Variants in JMY observed in about 807,000 individuals in gnomAD.
The protein encoded by JMY is junction mediating and regulatory protein, p53 cofactor, also known as junction-mediating and -regulatory protein.
JMY carries 46 observed loss-of-function variants against 103.3 expected under a neutral mutation model. The observed-to-expected ratio is 0.45, with a 90% CI of 0.35 to 0.57. The LOEUF (loss-of-function observed/expected upper bound fraction) is 0.57, where lower values mean the gene tolerates loss of function less well. Among genes scored for constraint, JMY ranks in the 20% least tolerant of loss-of-function variants. The probability of loss-of-function intolerance (pLI) is 0.00; values close to 1 mark genes in which losing one functional copy is unlikely to be tolerated. For missense variants in JMY, 1,238 were observed against 1,255.2 expected, an observed-to-expected ratio of 0.99 and a Z score of 0.21; for synonymous variants, 526 against 489.3, an observed-to-expected ratio of 1.07 and a Z score of -0.99.
intron 4 of JMY, among the ~76,000 whole-genome samples, chr5:79,298,033 G>A (rs1746616013): frequency 6.6e-6 from 1 of 152,172 alleles, no homozygotes; most frequent in African/African-American, 2.4e-5. Flanking sequence ...ACAGCGTAAA[G>A]GCATGTCACT....
chr5:79,239,138 C>T (rs1261570639), intron 1 of JMY, among the ~76,000 whole-genome samples: 1 of 152,090 alleles, frequency 6.6e-6, no homozygotes, highest in Non-Finnish European at 1.5e-5. Context: ...GTTTGTTTCT[C>T]ACTTATACCA....
At chr5:79,253,887 G>A (rs1418186737) in intron 1 of JMY, among the ~76,000 whole-genome samples, 1 of 151,228 alleles carries the variant, frequency 6.6e-6, no homozygotes, top group Non-Finnish European at 1.5e-5. Flanking sequence ...GGCTGGTCTC[G>A]AAATACTGGG....
intron 1 of JMY, among the ~76,000 whole-genome samples, chr5:79,270,795 A>T (rs74694245): frequency 1.1e-3 from 164 of 150,384 alleles, no homozygotes; most frequent in African/African-American, 3.7e-3. Context: ...AAGGTGAAGG[A>T]GGTTTTCCAT....
intron 4 of JMY, among the ~76,000 whole-genome samples, chr5:79,292,118 G>A (rs1160391046): frequency 2.0e-5 from 3 of 151,902 alleles, no homozygotes; most frequent in Non-Finnish European, 2.9e-5. Context: ...TGGCTTATCC[G>A]GGAAATTGTT....
At chr5:79,282,384 T>C (rs1746144351) in intron 2 of JMY, among the ~76,000 whole-genome samples, 1 of 152,160 alleles carries the variant, frequency 6.6e-6, no homozygotes, top group African/African-American at 2.4e-5. Context: ...AATGTACACA[T>C]TTGTCAAAAT....
chr5:79,253,270 C>T (rs898036482), intron 1 of JMY, among the ~76,000 whole-genome samples: 3 of 151,666 alleles, frequency 2.0e-5, no homozygotes, highest in African/African-American at 7.3e-5. Flanking sequence ...GTTGTCTAAC[C>T]GTTATTTTTG....
At chr5:79,240,965 C>A (rs1744721886) in intron 1 of JMY, among the ~76,000 whole-genome samples, 1 of 152,138 alleles carries the variant, frequency 6.6e-6, no homozygotes, top group Non-Finnish European at 1.5e-5. Context: ...CAAATGCATT[C>A]TTGAGGATAT....
intron 6 of JMY, among the ~76,000 whole-genome samples, chr5:79,301,076 G>A (rs1262401577): frequency 1.3e-5 from 2 of 152,108 alleles, no homozygotes; most frequent in Non-Finnish European, 2.9e-5. Flanking sequence ...AAACACTAAT[G>A]GTGACTCTGC....
intron 2 of JMY, among the ~76,000 whole-genome samples, chr5:79,282,733 T>C (rs1026704018): frequency 3.3e-5 from 5 of 152,192 alleles, no homozygotes; most frequent in Non-Finnish European, 5.9e-5. Flanking sequence ...GTATTGGCAC[T>C]AACTTAATTG....
rs1554049732 is a variant in JMY at position 79,270,516 on chromosome 5, T to TTAAA, written c.1033-7393_1033-7390dup. Among the ~76,000 whole-genome samples the TTAAA allele has an allele frequency of 2.7e-5, 2 of 74,298 alleles. 1 individual carries two copies. The highest frequency in any genetic ancestry group is 3.0e-4 in the Admixed American group (2 of 6,690). 48.7% of individuals were successfully genotyped at this position (74,298 alleles called of 152,430 possible). A position where few individuals can be genotyped will look rare whatever the true frequency, so the allele number is the denominator to read the frequency against. On this transcript the variant is annotated intron_variant, in intron 1 of 10. Transcript: ENST00000396137. ...ATAAAATATATATTTACATAAATAT[T>TTAAA]TAAAATATATATTTACATAAATATT...
chr5:79,275,733 CCA>C (rs1209070053), intron 1 of JMY, among the ~76,000 whole-genome samples: 5 of 152,112 alleles, frequency 3.3e-5, no homozygotes, highest in Non-Finnish European at 2.9e-5. Context: ...TCAAAATTCT[CCA>C]TATTAGTTTT....
chr5:79,300,587 G>A, intron 5 of JMY, 89 bp from the exon 6 acceptor site: 1 of 1,032,040 alleles, frequency 9.7e-7, no homozygotes, highest in Non-Finnish European at 1.4e-6. Context: ...GCCTGAGGTT[G>A]CAGAGCCAGT....
intron 1 of JMY, among the ~76,000 whole-genome samples, chr5:79,239,949 T>C (rs1246486996): frequency 1.3e-5 from 2 of 152,046 alleles, no homozygotes; most frequent in African/African-American, 2.4e-5. Flanking sequence ...TTTTAAAAAA[T>C]GTGTTCCTAA....
rs757544898 is a variant in JMY, at chr5:79,314,902, TAAA to T, written c.2659+55_2659+57del. On this transcript the variant is annotated intron_variant, in intron 9 of 10. Coordinates refer to ENST00000396137, the MANE Select transcript of JMY (RefSeq NM_152405.5). ...ATCTGTTGTATGACATCAGGCATAG[TAAA>T]AAACTATATTTTTTGACGTTGCAAA... is the stretch of plus-strand genomic sequence containing the variant. 17 of 1,461,266 alleles carry T rather than the reference TAAA, an allele frequency of 1.2e-5. No individual in the cohort carries two copies. The Admixed American group carries it at 3.8e-4, about 33-fold the overall frequency. 90.5% of individuals were successfully genotyped at this position (1,461,266 alleles called of 1,614,324 possible). A position where few individuals can be genotyped will look rare whatever the true frequency, so the allele number is the denominator to read the frequency against.
rs749993674 is a variant in JMY, at chr5:79,291,169, G to C, written c.1397G>C (p.Gly466Ala). Residue 466 changes from glycine to alanine, a missense_variant, in exon 4 of 11, where the codon GGT becomes GCT. Gly to Ala is a moderately conservative substitution (Grantham distance 60). Coordinates refer to ENST00000396137, the MANE Select transcript of JMY (RefSeq NM_152405.5). ...ATGCGAGCTGATCAGAAGAAATTTG[G>C]TAAAGCATCATGGGCAGCGGCTGCT... ...DRMRADQKKF[G>A]KASWAAAAER... 6.2e-7 allele frequency: 1 copy of C among 1,610,374 alleles called. No individual in the cohort carries two copies.
intron 2 of JMY, chr5:79,284,707 A>C: frequency 6.3e-7 from 1 of 1,592,452 alleles, no homozygotes; most frequent in African/African-American, 1.3e-5. Flanking sequence ...CAAATCAGCA[A>C]GACTCACTTC....
chr5:79,294,344 C>T (rs1746507901), intron 4 of JMY, among the ~76,000 whole-genome samples: 1 of 152,090 alleles, frequency 6.6e-6, no homozygotes, highest in Non-Finnish European at 1.5e-5. Context: ...GCAGAGGCTG[C>T]AGTGAGCCGA....
At chr5:79,286,857 A>G (rs904924100) in intron 2 of JMY, among the ~76,000 whole-genome samples, 2 of 152,216 alleles carry the variant, frequency 1.3e-5, no homozygotes, top group Admixed American at 1.3e-4. Flanking sequence ...TTAATTAGGT[A>G]TAAAGTTGTT....
At chr5:79,280,913 C>A (rs1580351916) in intron 2 of JMY, among the ~76,000 whole-genome samples, 1 of 145,612 alleles carries the variant, frequency 6.9e-6, no homozygotes, top group Non-Finnish European at 1.5e-5. Flanking sequence ...AAAATCTACT[C>A]AGACTTTTTA....
Sources: allele counts gnomAD v4.1 joint callset (sites outside exome capture counted in the v4.1 genomes callset), GRCh38; gene constraint gnomAD v4.1.1; transcripts MANE v1.5; gene names NCBI Gene and HGNC (gene_info 2026-07-23, HGNC 2026-07-21).